MLLT3: variants seen among roughly 807,000 people sequenced by gnomAD.
The protein encoded by MLLT3 is protein AF-9.
MLLT3 carries 4 observed loss-of-function variants against 53.2 expected under a neutral mutation model. The ratio of observed to expected loss-of-function variants is 0.08; its 90% CI spans 0.04 to 0.17. The LOEUF is 0.17. Among genes scored for constraint, MLLT3 ranks in the 10% least tolerant of loss-of-function variants. The probability of loss-of-function intolerance (pLI) is 1.00; values close to 1 mark genes in which losing one functional copy is unlikely to be tolerated. For synonymous variants in MLLT3, 283 were observed against 230.6 expected (o/e 1.23, Z -2.06); for missense variants, 569 against 684.0 (o/e 0.83, Z 1.87).
At chr9:20,525,386 C>T (rs1563801144) in intron 2 of MLLT3, among the ~76,000 whole-genome samples, 1 of 152,270 alleles carries the variant, frequency 6.6e-6, no homozygotes, top group Non-Finnish European at 1.5e-5. Flanking sequence ...ATCCCAGCTA[C>T]TTGGTAGGCT....
intron 2 of MLLT3, among the ~76,000 whole-genome samples, chr9:20,605,953 C>G (rs1175728316): frequency 6.6e-6 from 1 of 152,104 alleles, no homozygotes; most frequent in East Asian, 1.9e-4. Context: ...TATTCCTAAA[C>G]TGACACACTT....
intron 5 of MLLT3, among the ~76,000 whole-genome samples, chr9:20,367,541 G>C (rs534080818): frequency 2.6e-5 from 4 of 152,122 alleles, no homozygotes; most frequent in African/African-American, 9.7e-5. Flanking sequence ...GGTAAAGACA[G>C]GCAATGCACA....
chr9:20,540,778 C>T (rs1313827398), intron 2 of MLLT3, among the ~76,000 whole-genome samples: 1 of 152,242 alleles, frequency 6.6e-6, no homozygotes, highest in Non-Finnish European at 1.5e-5. Flanking sequence ...TTTCACTCCT[C>T]TTTACTAATG....
intron 2 of MLLT3, among the ~76,000 whole-genome samples, chr9:20,494,054 G>C (rs1825017151): frequency 6.6e-6 from 1 of 152,058 alleles, no homozygotes; most frequent in Admixed American, 6.6e-5. Context: ...TCTTCAGGAA[G>C]ATGCAATCAG....
intron 10 of MLLT3, among the ~76,000 whole-genome samples, chr9:20,353,280 T>G (rs954383914): frequency 6.6e-6 from 1 of 152,152 alleles, no homozygotes; most frequent in Non-Finnish European, 1.5e-5. Flanking sequence ...CCAGTATCAC[T>G]TCCCAAATTG....
At chr9:20,431,576 T>C (rs1823269528) in intron 4 of MLLT3, among the ~76,000 whole-genome samples, 1 of 152,192 alleles carries the variant, frequency 6.6e-6, no homozygotes, top group Non-Finnish European at 1.5e-5. Context: ...TTTATTTATG[T>C]ATATGGGTAC....
intron 2 of MLLT3, among the ~76,000 whole-genome samples, chr9:20,576,698 A>G (rs1819662334): frequency 6.6e-6 from 1 of 152,190 alleles, no homozygotes; most frequent in South Asian, 2.1e-4. Context: ...GATCACCATA[A>G]CAGATACGAT....
intron 5 of MLLT3, among the ~76,000 whole-genome samples, chr9:20,368,903 C>T (rs10964544): frequency 1.0e-3 from 153 of 152,256 alleles, no homozygotes; most frequent in Admixed American, 4.3e-3. Flanking sequence ...GTCCTGAAAG[C>T]TTTTAGTAGT....
At chr9:20,351,139 G>A (rs1169348114) in intron 10 of MLLT3, among the ~76,000 whole-genome samples, 1 of 152,220 alleles carries the variant, frequency 6.6e-6, no homozygotes, top group Admixed American at 6.5e-5. Context: ...TCCCAGGATG[G>A]AGAACATCAT....
At chr9:20,425,841 T>C (rs1015844261) in intron 4 of MLLT3, among the ~76,000 whole-genome samples, 2 of 152,010 alleles carry the variant, frequency 1.3e-5, no homozygotes, top group African/African-American at 4.8e-5. Context: ...TGCCCAGCCT[T>C]TTGTTCTAAA....
At chr9:20,438,975 A>T (rs1027181041) in intron 4 of MLLT3, among the ~76,000 whole-genome samples, 7 of 152,156 alleles carry the variant, frequency 4.6e-5, no homozygotes, top group Non-Finnish European at 8.8e-5. Context: ...ACAGGCCCAC[A>T]ATGTACCCTA....
At position 20,622,390 on chromosome 9, in the gene MLLT3, C is replaced by G. The variant is rs1821046210; in HGVS notation, c.-134G>C. On this transcript the variant is annotated 5_prime_UTR_variant, in exon 1 of 11. Transcript: ENST00000380338. ...GAGCGGAGGGTAGATGGCGGACATTCTCTGCCTTTTTCCCCCCGCGCTCGC... is the reference window on the plus strand; with the variant it reads ...GAGCGGAGGGTAGATGGCGGACATTGTCTGCCTTTTTCCCCCCGCGCTCGC... 3 of 816,094 alleles carry G rather than the reference C, an allele frequency of 3.7e-6. No individual in the cohort carries two copies. Among genetic ancestry groups the G allele is most frequent in the African/African-American group, 1.8e-5 (1 of 56,112 alleles). 50.6% of individuals were successfully genotyped at this position (816,094 alleles called of 1,614,324 possible). A position where few individuals can be genotyped will look rare whatever the true frequency, so the allele number is the denominator to read the frequency against.
Position 20,365,755 on chromosome 9 carries a change from G to A in MLLT3, c.1126-11C>T, listed in dbSNP as rs995670967. The A allele has an allele frequency of 1.2e-6, 2 of 1,613,720 alleles. No homozygotes were observed. Among genetic ancestry groups the A allele is most frequent in the African/African-American group, 2.7e-5 (2 of 74,874 alleles). On this transcript the variant is annotated splice_polypyrimidine_tract_variant and intron_variant, in intron 5 of 10. Coordinates refer to ENST00000380338, the MANE Select transcript of MLLT3 (RefSeq NM_004529.4). ...ACTGGGTTGTTCAGACTTTAAAGAA[G>A]AATAAAAAGGCACCATCAATAAATT...
chr9:20,414,953 G>C (rs75499254), intron 4 of MLLT3, among the ~76,000 whole-genome samples: 3,102 of 152,264 alleles, frequency 0.02, 108 homozygotes, highest in African/African-American at 0.07. Context: ...CCAAGGACCA[G>C]AATAAACTAA....
intron 2 of MLLT3, among the ~76,000 whole-genome samples, chr9:20,505,207 A>G (rs1181557991): frequency 6.6e-6 from 1 of 152,204 alleles, no homozygotes. Flanking sequence ...AAAAGCTAAG[A>G]GAGGAAATAA....
chr9:20,507,878 A>C (rs1017287876), intron 2 of MLLT3, among the ~76,000 whole-genome samples: 2 of 152,160 alleles, frequency 1.3e-5, no homozygotes, highest in Admixed American at 1.3e-4. Flanking sequence ...ATAACAATCC[A>C]AATAAAGTAT....
chr9:20,543,841 C>T (rs578174040), intron 2 of MLLT3, among the ~76,000 whole-genome samples: 53 of 152,156 alleles, frequency 3.5e-4, no homozygotes, highest in Non-Finnish European at 5.4e-4. Context: ...TGAGCATATG[C>T]TATTGGAAAA....
intron 2 of MLLT3, among the ~76,000 whole-genome samples, chr9:20,504,687 T>A (rs140639134): frequency 6.6e-6 from 1 of 152,144 alleles, no homozygotes; most frequent in East Asian, 1.9e-4. Context: ...GTGACTACAG[T>A]TCATAACAAT....
In MLLT3 at chr9:20,620,891, G is replaced by C. The variant is rs528386679; in HGVS notation, c.13-57C>G. On this transcript the variant is annotated intron_variant, in intron 1 of 10. Transcript: ENST00000380338. The surrounding 1 kb of genome is among the most constrained non-coding windows in gnomAD (Gnocchi z 6.1). ...ATAACAGGAAGGCGAGGTTTCGGCA[G>C]TGAACGTTGCGCCTGACATTTTTTT... 7 of 1,578,866 alleles carry C rather than the reference G, an allele frequency of 4.4e-6. No individual in the cohort carries two copies. The South Asian group carries it at 6.6e-5, about 15-fold the overall frequency.
Sources: allele counts gnomAD v4.1 joint callset (sites outside exome capture counted in the v4.1 genomes callset), GRCh38; gene constraint gnomAD v4.1.1; non-coding constraint Gnocchi (gnomAD v3.1); transcripts MANE v1.5; gene names NCBI Gene and HGNC (gene_info 2026-07-23, HGNC 2026-07-21).